Variants in RHPN2 observed in about 807,000 individuals in gnomAD.
The protein encoded by RHPN2 is rhophilin Rho GTPase binding protein 2.
Under a neutral mutation model 79.0 loss-of-function variants are expected in RHPN2, and 40 were observed. The observed-to-expected ratio is 0.51, with a 90% CI of 0.39 to 0.66. The LOEUF (loss-of-function observed/expected upper bound fraction) is 0.66, where lower values mean the gene tolerates loss of function less well. RHPN2 is among the 30% of genes least tolerant of loss of function. The pLI is 0.00. For synonymous variants in RHPN2, 285 were observed against 363.5 expected, an observed-to-expected ratio of 0.78 and a Z score of 2.46; for missense variants, 686 against 883.5, an observed-to-expected ratio of 0.78 and a Z score of 2.83.
chr19:33,026,243 T>G, intron 3 of RHPN2, among the ~76,000 whole-genome samples: 1 of 151,828 alleles, frequency 6.6e-6, no homozygotes, highest in East Asian at 1.9e-4. Context: ...TCCCAAAGTG[T>G]TGGGATTACG....
At chr19:33,027,719 C>CAATAT (rs1205550228) in intron 2 of RHPN2, among the ~76,000 whole-genome samples, 1 of 151,742 alleles carries the variant, frequency 6.6e-6, no homozygotes, top group Non-Finnish European at 1.5e-5. Context: ...ATCTGAACAT[C>CAATAT]AATATAATAT....
intron 9 of RHPN2, among the ~76,000 whole-genome samples, chr19:33,001,754 G>A (rs1038946025): frequency 4.6e-5 from 7 of 151,974 alleles, no homozygotes; most frequent in East Asian, 1.9e-4. Flanking sequence ...TTAGAGGCAC[G>A]TGCCATGCCC....
chr19:32,999,830 G>C, intron 9 of RHPN2, 125 bp from the exon 10 acceptor site: 1 of 1,289,864 alleles, frequency 7.8e-7, no homozygotes, highest in South Asian at 1.2e-5. Context: ...GGGATCATGG[G>C]TCTCCTTTCT....
intron 4 of RHPN2, among the ~76,000 whole-genome samples, chr19:33,019,031 C>CAA (rs71301619): frequency 2.8e-4 from 30 of 105,348 alleles, no homozygotes; most frequent in South Asian, 1.1e-3. Flanking sequence ...AACTCCAGCT[C>CAA]AAAAAAAAAA....
chr19:33,059,394 G>A (rs1972261508), intron 1 of RHPN2, among the ~76,000 whole-genome samples: 1 of 151,628 alleles, frequency 6.6e-6, no homozygotes, highest in South Asian at 2.1e-4. Context: ...CACCTCACAG[G>A]TTCAGGCAAT....
chr19:33,044,740 A>G (rs956186413), intron 1 of RHPN2, among the ~76,000 whole-genome samples: 3 of 152,106 alleles, frequency 2.0e-5, no homozygotes, highest in African/African-American at 7.2e-5. Flanking sequence ...TAAAAATACA[A>G]AAAATTAACC....
intron 14 of RHPN2, among the ~76,000 whole-genome samples, chr19:32,983,452 A>G (rs1380147376): frequency 1.3e-5 from 2 of 150,788 alleles, no homozygotes; most frequent in African/African-American, 2.4e-5. Flanking sequence ...TGGAGCTTGC[A>G]GTGAGCTGAG....
At chr19:32,994,394 G>A (rs554706231) in intron 11 of RHPN2, among the ~76,000 whole-genome samples, 157 of 89,670 alleles carry the variant, frequency 1.8e-3, no homozygotes, top group African/African-American at 9.5e-3. Context: ...AGACTCCGGG[G>A]GGAAAAAAAA....
At chr19:33,059,764 G>A (rs1309269329) in intron 1 of RHPN2, among the ~76,000 whole-genome samples, 1 of 151,834 alleles carries the variant, frequency 6.6e-6, no homozygotes, top group South Asian at 2.1e-4. Flanking sequence ...ATTTCCTAAC[G>A]ACTCCTAAAG....
Position 33,057,188 on chromosome 19 carries a change from T to C in RHPN2, c.69+7596A>G, listed in dbSNP as rs141847826. On this transcript the variant is annotated intron_variant, in intron 1 of 14. Coordinates refer to ENST00000254260, the MANE Select transcript of RHPN2 (RefSeq NM_033103.5). ...AGTGAGACCGTCTCTACAAAAAATT[T>C]AAAAATTAGCCAGGCTTTGTGGCTC... is the stretch of plus-strand genomic sequence containing the variant. Among the ~76,000 whole-genome samples the C allele has an allele frequency of 9.2e-3, 1,349 of 146,740 alleles. 16 individuals carry two copies. Among genetic ancestry groups the C allele is most frequent in the African/African-American group, 0.033 (1,292 of 39,416 alleles).
chr19:33,045,645 T>A (rs1198845717), intron 1 of RHPN2, among the ~76,000 whole-genome samples: 4 of 152,068 alleles, frequency 2.6e-5, no homozygotes. Flanking sequence ...GGCTAATTTT[T>A]GTATTTTTAG....
At chr19:32,988,662 G>A (rs897567458) in intron 14 of RHPN2, among the ~76,000 whole-genome samples, 16 of 151,626 alleles carry the variant, frequency 1.1e-4, no homozygotes, top group African/African-American at 2.2e-4. Flanking sequence ...TTGCCTCTCC[G>A]GTAGGAGAAG....
At chr19:32,985,461 C>T (rs886948826) in intron 14 of RHPN2, among the ~76,000 whole-genome samples, 1 of 152,096 alleles carries the variant, frequency 6.6e-6, no homozygotes, top group African/African-American at 2.4e-5. Context: ...CACGGTGAAG[C>T]CCCGTCTCTA....
In RHPN2 at chr19:32,983,681, G is replaced by A. The variant is rs551113681; in HGVS notation, c.1801-3425C>T. ...AGTCTTACTGTCACCAGACTGGAGTGCAGTGGCCCAATCTTGGCTCACTGC... is the reference window on the plus strand; with the variant it reads ...AGTCTTACTGTCACCAGACTGGAGTACAGTGGCCCAATCTTGGCTCACTGC... On this transcript the variant is annotated intron_variant, in intron 14 of 14. Coordinates refer to ENST00000254260, the MANE Select transcript of RHPN2 (RefSeq NM_033103.5). 3.5e-5 allele frequency among the ~76,000 whole-genome samples: 5 copies of A among 141,664 alleles called. No individual in the cohort carries two copies. In the South Asian group the frequency reaches 1.1e-3, roughly 32 times the overall value. The allele number at this position is 141,664 out of a possible 152,430, so 92.9% of individuals were successfully genotyped here.
chr19:33,046,383 A>G (rs10422705), intron 1 of RHPN2, among the ~76,000 whole-genome samples: 6,653 of 151,998 alleles, frequency 0.044, 466 homozygotes, highest in African/African-American at 0.15. Context: ...CTCCTGCTTC[A>G]GCCTCCCGGG....
chr19:32,993,514 T>C (rs952626698), intron 12 of RHPN2, among the ~76,000 whole-genome samples: 3 of 152,068 alleles, frequency 2.0e-5, no homozygotes, highest in African/African-American at 4.8e-5. Flanking sequence ...AAATAAAATA[T>C]GCTATGGTCT....
chr19:33,046,965 C>G (rs1298870301), intron 1 of RHPN2, among the ~76,000 whole-genome samples: 1 of 151,968 alleles, frequency 6.6e-6, no homozygotes, highest in African/African-American at 2.4e-5. Flanking sequence ...TCAAGTGATT[C>G]TCCTGCCTCA....
intron 4 of RHPN2, among the ~76,000 whole-genome samples, chr19:33,013,215 A>T (rs1157159696): frequency 7.3e-6 from 1 of 136,900 alleles, no homozygotes; most frequent in African/African-American, 2.8e-5. Flanking sequence ...AAAACAAAAA[A>T]CAGAGTTTCA....
intron 1 of RHPN2, among the ~76,000 whole-genome samples, chr19:33,063,994 C>CTCCCCTGCTCCCTGAAAAG (rs1342117588): frequency 2.6e-5 from 4 of 152,210 alleles, no homozygotes; most frequent in Non-Finnish European, 4.4e-5. Context: ...ACCAGCAGCT[C>CTCCCCTGCTCCCTGAAAAG]TCCCCTGCTC....
Sources: gnomAD v4.1 joint callset for allele counts (sites outside exome capture counted in the v4.1 genomes callset) on GRCh38, gnomAD v4.1.1 for gene constraint, MANE v1.5 for transcripts, NCBI Gene and HGNC (gene_info 2026-07-23, HGNC 2026-07-21) for gene names.